EVC: variants seen among roughly 807,000 people sequenced by gnomAD.
EVC encodes the protein evC complex member EVC.
A neutral mutation model predicts 118.9 loss-of-function variants in EVC; 116 were observed. That is an observed-to-expected ratio of 0.98 (90% CI 0.84 to 1.14). The LOEUF is 1.14. EVC is among the 50% of genes most tolerant of loss of function. EVC has a pLI of 0.00. For synonymous variants in EVC, 619 were observed against 534.7 expected, an observed-to-expected ratio of 1.16 and a Z score of -2.18; for missense variants, 1,401 against 1,246.4, an observed-to-expected ratio of 1.12 and a Z score of -1.87.
At chr4:5,748,123 C>G in intron 7 of EVC, 25 bp from the exon 8 acceptor site, 1 of 1,614,118 alleles carries the variant, frequency 6.2e-7, no homozygotes, top group African/African-American at 1.3e-5. Context: ...CACCTCACTT[C>G]TTGCTGCTTG....
rs1199439907 is a variant in EVC, at chr4:5,738,181, G to A, written c.703-3535G>A. Among the ~76,000 whole-genome samples the A allele has an allele frequency of 6.6e-6, 1 of 152,228 alleles. No individual in the cohort carries two copies. The highest frequency in any genetic ancestry group is 1.5e-5 in the Non-Finnish European group (1 of 68,038). On this transcript the variant is annotated intron_variant, in intron 5 of 20. Transcript: ENST00000264956. This position sits in a 1 kb window ranked among gnomAD's most constrained non-coding sequence, Gnocchi z 6.5. ...ACTAGGATTAGAATTGGAGCCTGAA[G>A]ATGGGACTGAGCTGCTGCAATCTCA...
chr4:5,765,561 G>A (rs934036033), intron 11 of EVC, among the ~76,000 whole-genome samples: 1 of 116,558 alleles, frequency 8.6e-6, no homozygotes, highest in Admixed American at 7.8e-5. Flanking sequence ...GGTTACTCAG[G>A]ACTTGCTTTA....
At chr4:5,816,364 T>C (rs569224478), downstream of EVC, among the ~76,000 whole-genome samples, 106 of 152,308 alleles carry the variant, frequency 7.0e-4, 1 homozygote, top group Non-Finnish European at 1.6e-4. Context: ...TCAGAAATCC[T>C]TCCCTGCGTG....
At chr4:5,820,173 T>C in the EVC span, among the ~76,000 whole-genome samples, 1 of 152,172 alleles carries the variant, frequency 6.6e-6, no homozygotes, top group East Asian at 1.9e-4. Context: ...CCCTACCTCA[T>C]AGAGCACCTG....
intron 11 of EVC, among the ~76,000 whole-genome samples, chr4:5,772,515 T>C (rs1734141419): frequency 6.6e-6 from 1 of 152,064 alleles, no homozygotes; most frequent in Non-Finnish European, 1.5e-5. Flanking sequence ...CACCCCAGAA[T>C]GCCTCCTGTT....
Position 5,812,529 on chromosome 4 carries a change from A to G in EVC, c.*1492A>G, listed in dbSNP as rs1353732103. 2 of 153,372 alleles carry G rather than the reference A, an allele frequency of 1.3e-5. No individual in the cohort carries two copies. The highest frequency in any genetic ancestry group is 1.7e-4 in the South Asian group (1 of 5,760). 9.5% of individuals were successfully genotyped at this position (153,372 alleles called of 1,614,324 possible). A position where few individuals can be genotyped will look rare whatever the true frequency, so the allele number is the denominator to read the frequency against. ...CAGGAGAGGCCGTTCCTGCCTGGAG[A>G]GAAGCTTCCAGACCAGCCCTTCACA... On this transcript the variant is annotated 3_prime_UTR_variant, in exon 21 of 21. Coordinates refer to ENST00000264956, the MANE Select transcript of EVC (RefSeq NM_153717.3).
Position 5,712,561 on chromosome 4 carries a change from G to T in EVC, c.174+1007G>T, listed in dbSNP as rs192723461. 3.2e-3 allele frequency among the ~76,000 whole-genome samples: 488 copies of T among 152,294 alleles called. 2 individuals carry two copies. The highest frequency in any genetic ancestry group is 5.6e-3 in the Admixed American group (85 of 15,302). ...GGTGGGAGGAGAGTAAAGTCTGCGCGATCAGAAACAAGATGGCGTGGTCTT... is the reference window on the plus strand; with the variant it reads ...GGTGGGAGGAGAGTAAAGTCTGCGCTATCAGAAACAAGATGGCGTGGTCTT... On this transcript the variant is annotated intron_variant, in intron 1 of 20. Transcript: ENST00000264956.
chr4:5,783,223 AGT>A (rs531668110), intron 11 of EVC, among the ~76,000 whole-genome samples: 321 of 152,010 alleles, frequency 2.1e-3, no homozygotes, highest in Admixed American at 4.3e-3. Flanking sequence ...TGTGAACGAA[AGT>A]GTGCATGTGT....
At chr4:5,769,532 G>T (rs899468216) in intron 11 of EVC, among the ~76,000 whole-genome samples, 13 of 152,182 alleles carry the variant, frequency 8.5e-5, no homozygotes, top group Non-Finnish European at 1.5e-4. Flanking sequence ...GATGGATGCT[G>T]TGCGATCGCG....
intron 16 of EVC, among the ~76,000 whole-genome samples, chr4:5,802,821 G>A (rs745326483): frequency 6.6e-5 from 10 of 152,302 alleles, no homozygotes; most frequent in Admixed American, 1.3e-4. Context: ...CTCATCTGCC[G>A]CTCACGTCTT....
At chr4:5,767,641 C>T (rs192890756) in intron 11 of EVC, among the ~76,000 whole-genome samples, 12,407 of 151,644 alleles carry the variant, frequency 0.082, 733 homozygotes, top group South Asian at 0.14. Flanking sequence ...GCACAGTATG[C>T]GGGTGGGAGT....
At chr4:5,805,891 CTTTTT>C (rs4045512) in intron 17 of EVC, among the ~76,000 whole-genome samples, 15 of 123,944 alleles carry the variant, frequency 1.2e-4, no homozygotes, top group Admixed American at 1.1e-3. Context: ...AGTTTCTTTT[CTTTTT>C]TTTTTTTTTT....
chr4:5,762,045 C>T (rs1011722536), intron 11 of EVC, among the ~76,000 whole-genome samples: 4 of 77,428 alleles, frequency 5.2e-5, no homozygotes, highest in African/African-American at 2.0e-4. Flanking sequence ...AGTGCTATCC[C>T]TCCCCCCACC....
In EVC at chr4:5,742,881, T is replaced by A. The variant is rs1316838194; in HGVS notation, c.801+1067T>A. Among the ~76,000 whole-genome samples the A allele has an allele frequency of 6.6e-6, 1 of 152,168 alleles. No homozygotes were observed. The highest frequency in any genetic ancestry group is 1.5e-5 in the Non-Finnish European group (1 of 68,042). ...AGCCAGTGGTGTTAGACAGTAGTGT[T>A]TTAGTGAATGGTGCCACTCCTTGCG... On this transcript the variant is annotated intron_variant, in intron 6 of 20. Coordinates refer to ENST00000264956, the MANE Select transcript of EVC (RefSeq NM_153717.3). This position sits in a 1 kb window ranked among gnomAD's most constrained non-coding sequence, Gnocchi z 5.2.
Position 5,747,036 on chromosome 4 carries a change from G to A in EVC, c.940-1112G>A, listed in dbSNP as rs927276337. Among the ~76,000 whole-genome samples the A allele has an allele frequency of 5.9e-5, 9 of 152,192 alleles. No homozygotes were observed. The South Asian group carries it at 1.2e-3, about 21-fold the overall frequency. ...CTCCAAGGGGAAGAGCAGGGTGAGA[G>A]CCTGAGGGTGTCAGGCAGGTTTGAG... On this transcript the variant is annotated intron_variant, in intron 7 of 20. Transcript: ENST00000264956.
intron 5 of EVC, among the ~76,000 whole-genome samples, chr4:5,740,546 A>T (rs966413487): frequency 6.6e-6 from 1 of 152,068 alleles, no homozygotes; most frequent in Non-Finnish European, 1.5e-5. Context: ...AAGAGTTTTT[A>T]GACTTGACAC....
At chr4:5,728,681 G>A (rs1032496586) in intron 2 of EVC, among the ~76,000 whole-genome samples, 67 of 152,344 alleles carry the variant, frequency 4.4e-4, no homozygotes, top group African/African-American at 1.5e-3. Flanking sequence ...AGAGGAGTTA[G>A]AAGATTTGCC....
chr4:5,796,782 G>A (rs1714041853), intron 13 of EVC, among the ~76,000 whole-genome samples: 1 of 151,864 alleles, frequency 6.6e-6, no homozygotes, highest in South Asian at 2.1e-4. Context: ...ATAGGCTGCT[G>A]TACACATGCA....
At chr4:5,819,669 G>A in the EVC span, among the ~76,000 whole-genome samples, 5 of 152,340 alleles carry the variant, frequency 3.3e-5, 1 homozygote, top group South Asian at 2.1e-4. Context: ...GCCAGGCCCA[G>A]AGAACAGGCT....
Sources: gnomAD v4.1 joint callset for allele counts (sites outside exome capture counted in the v4.1 genomes callset) on GRCh38, gnomAD v4.1.1 for gene constraint, Gnocchi (gnomAD v3.1) non-coding constraint, MANE v1.5 for transcripts, NCBI Gene and HGNC (gene_info 2026-07-23, HGNC 2026-07-21) for gene names.